Variants in MORC3 observed in about 807,000 individuals in gnomAD.
MORC3 encodes MORC family CW-type zinc finger protein 3.
Under a neutral mutation model 109.1 loss-of-function variants are expected in MORC3, and 31 were observed. The ratio of observed to expected loss-of-function variants is 0.28; its 90% CI spans 0.21 to 0.38. The LOEUF (loss-of-function observed/expected upper bound fraction) is 0.38, where lower values mean the gene tolerates loss of function less well. Among genes scored for constraint, MORC3 ranks in the 10% least tolerant of loss-of-function variants. The pLI, the probability that MORC3 is intolerant of heterozygous loss-of-function variation, is 1.00. For missense variants in MORC3, 867 were observed against 1,135.8 expected (o/e 0.76, Z 3.40); for synonymous variants, 395 against 380.7 (o/e 1.04, Z -0.44).
intron 10 of MORC3, 113 bp from the exon 11 acceptor site, chr21:36,359,842 T>C: frequency 6.8e-7 from 1 of 1,461,880 alleles, no homozygotes; most frequent in Non-Finnish European, 9.4e-7. Context: ...CGTCATAATT[T>C]TTAGGAAAGG....
chr21:36,365,972 C>T (rs149062640), intron 14 of MORC3, among the ~76,000 whole-genome samples: 4,059 of 152,190 alleles, frequency 0.027, 75 homozygotes, highest in Admixed American at 0.047. Flanking sequence ...TTCTCCTTAA[C>T]ATTTTTGGCT....
chr21:36,331,729 T>C (rs1252012223), intron 1 of MORC3, among the ~76,000 whole-genome samples: 1 of 152,174 alleles, frequency 6.6e-6, no homozygotes, highest in East Asian at 1.9e-4. Flanking sequence ...CATAATGAAT[T>C]GTGAGTAAAA....
In MORC3 at chr21:36,359,965, G is replaced by C. The variant is rs1219523697; in HGVS notation, c.1219G>C (p.Asp407His). 2.5e-6 allele frequency: 4 copies of C among 1,614,184 alleles called. No individual in the cohort carries two copies. Among genetic ancestry groups the C allele is most frequent in the Non-Finnish European group, 3.4e-6 (4 of 1,180,026 alleles). Residue 407 changes from aspartate to histidine, a missense_variant, in exon 11 of 17, where the codon GAT becomes CAT. Physicochemically the swap from Asp to His is moderately conservative, Grantham distance 81. Around this residue, in one of 7 missense-constraint regions of MORC3, gnomAD observed 120 missense variants for 259.7 expected, o/e 0.46. Coordinates refer to ENST00000400485, the MANE Select transcript of MORC3 (RefSeq NM_015358.3). ...CTTGTTTTGGGACAGGAAGCGTCCTGATCAGACATGGGTTCAGTGTGATGC... is the reference window on the plus strand; with the variant it reads ...CTTGTTTTGGGACAGGAAGCGTCCTCATCAGACATGGGTTCAGTGTGATGC... ...LPVEDIQKRP[D>H]QTWVQCDACL...
At chr21:36,366,133 A>G in intron 14 of MORC3, among the ~76,000 whole-genome samples, 1 of 152,184 alleles carries the variant, frequency 6.6e-6, no homozygotes, top group South Asian at 2.1e-4. Flanking sequence ...ACCATCGCCC[A>G]GCTATTGAGC....
At chr21:36,360,553 A>G in intron 12 of MORC3, 1 of 410,804 alleles carries the variant, frequency 2.4e-6, no homozygotes, top group South Asian at 2.7e-5. Context: ...AAGCTTATAG[A>G]GAAGGTGTAA....
At chr21:36,331,947 C>T (rs1569089677) in intron 1 of MORC3, among the ~76,000 whole-genome samples, 1 of 152,076 alleles carries the variant, frequency 6.6e-6, no homozygotes, top group African/African-American at 2.4e-5. Flanking sequence ...GGAGACCAGC[C>T]TGGGCAACAC....
At chr21:36,365,051 C>CAAAAAAA (rs72445251) in intron 14 of MORC3, among the ~76,000 whole-genome samples, 4 of 94,384 alleles carry the variant, frequency 4.2e-5, no homozygotes, top group Non-Finnish European at 6.0e-5. Context: ...GACTCCATCT[C>CAAAAAAA]AAAAAAAAAA....
intron 10 of MORC3, among the ~76,000 whole-genome samples, chr21:36,359,235 A>G (rs77298166): frequency 0.015 from 2,263 of 152,318 alleles, 55 homozygotes; most frequent in African/African-American, 0.051. Context: ...ATTTAATGCT[A>G]TTAAGACATA....
intron 4 of MORC3, 77 bp from the exon 5 acceptor site, chr21:36,338,694 ATTT>A: frequency 7.7e-7 from 1 of 1,298,214 alleles, no homozygotes; most frequent in Non-Finnish European, 1.1e-6. Context: ...TTTTTCTGTT[ATTT>A]AAGTTTATAG....
At chr21:36,338,670 T>A in intron 4 of MORC3, 104 bp from the exon 5 acceptor site, 1 of 1,132,896 alleles carries the variant, frequency 8.8e-7, no homozygotes, top group Non-Finnish European at 1.2e-6. Flanking sequence ...CCTTAGAAAA[T>A]TATTTATAAA....
At chr21:36,320,672 G>T (rs2085181896) in intron 1 of MORC3, 1 of 223,980 alleles carries the variant, frequency 4.5e-6, no homozygotes, top group Admixed American at 5.8e-5. Context: ...GGGCGTCGTG[G>T]TGGGAGGGAG....
At chr21:36,338,490 C>T (rs543700617) in intron 4 of MORC3, among the ~76,000 whole-genome samples, 1 of 151,908 alleles carries the variant, frequency 6.6e-6, no homozygotes, top group Non-Finnish European at 1.5e-5. Context: ...AATTTTGAGA[C>T]CAGCCCAAGC....
At chr21:36,322,770 T>C (rs1307943015) in intron 1 of MORC3, among the ~76,000 whole-genome samples, 1 of 152,330 alleles carries the variant, frequency 6.6e-6, no homozygotes, top group East Asian at 1.9e-4. Context: ...TTTTTACCCC[T>C]GTAATTCTAG....
intron 10 of MORC3, among the ~76,000 whole-genome samples, chr21:36,358,918 A>T (rs1334690196): frequency 2.0e-5 from 3 of 152,096 alleles, no homozygotes; most frequent in Non-Finnish European, 2.9e-5. Context: ...TGACCTCATG[A>T]TCCACCCGCG....
chr21:36,375,415 C>G lies in MORC3; in HGVS notation c.*119C>G, dbSNP rs1026489481. On this transcript the variant is annotated 3_prime_UTR_variant, in exon 17 of 17. Transcript: ENST00000400485. Reference sequence around the variant, plus strand: ...AACAGACTGAAAACCATAATCTTTACTGTATTCTATGCATTCAAATGTGGT... The same window carrying G: ...AACAGACTGAAAACCATAATCTTTAGTGTATTCTATGCATTCAAATGTGGT... The G allele has an allele frequency of 4.7e-5, 43 of 911,432 alleles. No individual in the cohort carries two copies. Among genetic ancestry groups the G allele is most frequent in the Non-Finnish European group, 6.6e-5 (41 of 623,142 alleles). 56.5% of individuals were successfully genotyped at this position (911,432 alleles called of 1,614,324 possible).
chr21:36,370,532 T>C (rs2085843625), intron 15 of MORC3, among the ~76,000 whole-genome samples: 2 of 150,244 alleles, frequency 1.3e-5, no homozygotes, highest in Non-Finnish European at 3.0e-5. Flanking sequence ...AGTCATTCAT[T>C]TTTCTAGATT....
chr21:36,357,588 T>C (rs991957303), intron 10 of MORC3, among the ~76,000 whole-genome samples: 11 of 151,688 alleles, frequency 7.3e-5, no homozygotes, highest in African/African-American at 1.7e-4. Context: ...ATGCATACTT[T>C]ATAAGCATAG....
chr21:36,369,755 A>G lies in MORC3; in HGVS notation c.2387A>G (p.Glu796Gly). ...QCSALQHVKA[E>G]CSQCSNNESK... ...AGTGCTTTGCAACATGTAAAGGCTG[A>G]ATGCAGCCAGTGTTCCAATAATGAG... Residue 796 changes from glutamate to glycine, a missense_variant, in exon 15 of 17, where the codon GAA (glutamate) becomes GGA (glycine). Coordinates refer to ENST00000400485, the MANE Select transcript of MORC3 (RefSeq NM_015358.3). The G allele has an allele frequency of 6.2e-7, 1 of 1,614,238 alleles. No homozygotes were observed. The highest frequency in any genetic ancestry group is 8.5e-7 in the Non-Finnish European group (1 of 1,180,046).
At chr21:36,361,092 G>C (rs1407732996) in intron 12 of MORC3, among the ~76,000 whole-genome samples, 1 of 151,250 alleles carries the variant, frequency 6.6e-6, no homozygotes, top group East Asian at 1.9e-4. Flanking sequence ...AAAAAAGATA[G>C]TGGAAGTGGG....
Sources: gnomAD v4.1 joint callset for allele counts (sites outside exome capture counted in the v4.1 genomes callset) on GRCh38, gnomAD v4.1.1 for gene constraint, gnomAD v4.1.1 regional missense constraint, MANE v1.5 for transcripts, NCBI Gene and HGNC (gene_info 2026-07-23, HGNC 2026-07-21) for gene names.